Variants in OSBP2 observed in about 807,000 individuals in gnomAD.
OSBP2 encodes the protein oxysterol binding protein 2, also known as oxysterol-binding protein 2.
In OSBP2, 66 loss-of-function variants were observed where a neutral mutation model predicts 96.0. The ratio of observed to expected loss-of-function variants is 0.69; its 90% confidence interval spans 0.56 to 0.84. The LOEUF is 0.84. Ranked by LOEUF, OSBP2 falls within the 40% of genes least tolerant of loss-of-function variation. The probability of loss-of-function intolerance (pLI) is 0.00; values close to 1 mark genes in which losing one functional copy is unlikely to be tolerated. For synonymous variants in OSBP2, 525 were observed against 520.9 expected, an observed-to-expected ratio of 1.01 and a Z score of -0.11; for missense variants, 1,038 against 1,222.7, an observed-to-expected ratio of 0.85 and a Z score of 2.25.
chr22:30,715,241 A>G (rs1214357401), intron 1 of OSBP2, among the ~76,000 whole-genome samples: 2 of 151,924 alleles, frequency 1.3e-5, no homozygotes, highest in Admixed American at 1.3e-4. Flanking sequence ...GTCCTTGCCA[A>G]TGATTTATTT....
chr22:30,698,474 C>G (rs1183445222), intron 1 of OSBP2, among the ~76,000 whole-genome samples: 2 of 149,528 alleles, frequency 1.3e-5, no homozygotes, highest in African/African-American at 5.0e-5. Context: ...GAGTCTTGCT[C>G]TGTCGCCAGG....
intron 2 of OSBP2, among the ~76,000 whole-genome samples, chr22:30,815,684 C>T (rs549464557): frequency 8.8e-4 from 134 of 152,220 alleles, no homozygotes; most frequent in Middle Eastern, 6.8e-3. Context: ...TCTTCATGCT[C>T]TTCCCTTTTC....
chr22:30,879,624 C>T (rs983554775), intron 3 of OSBP2, among the ~76,000 whole-genome samples: 6 of 152,178 alleles, frequency 3.9e-5, no homozygotes, highest in Non-Finnish European at 1.5e-5. Flanking sequence ...AAGGGATCCC[C>T]GGGGGAGCCC....
intron 2 of OSBP2, among the ~76,000 whole-genome samples, chr22:30,798,610 G>A (rs918391021): frequency 5.3e-5 from 8 of 152,282 alleles, no homozygotes; most frequent in Non-Finnish European, 1.2e-4. Context: ...TATGGTGTTA[G>A]GTAAAGGTTT....
chr22:30,715,368 C>CT (rs136384), intron 1 of OSBP2, among the ~76,000 whole-genome samples: 86,964 of 140,666 alleles, frequency 0.62, 27,280 homozygotes, highest in Non-Finnish European at 0.69. Context: ...CTCTCTCTCT[C>CT]TTTTTTTTTT....
At chr22:30,715,611 G>A (rs958623332) in intron 1 of OSBP2, among the ~76,000 whole-genome samples, 4 of 151,542 alleles carry the variant, frequency 2.6e-5, no homozygotes, top group African/African-American at 9.7e-5. Context: ...GAGTGCAATG[G>A]CGCCATCTCG....
intron 2 of OSBP2, among the ~76,000 whole-genome samples, chr22:30,862,443 GGTGA>G (rs2039231261): frequency 1.3e-5 from 2 of 152,224 alleles, no homozygotes; most frequent in African/African-American, 2.4e-5. Context: ...ACTTTGGGAG[GGTGA>G]GGCAGGCAGA....
chr22:30,847,193 G>T (rs1405481488), intron 2 of OSBP2, among the ~76,000 whole-genome samples: 1 of 152,014 alleles, frequency 6.6e-6, no homozygotes, highest in Non-Finnish European at 1.5e-5. Flanking sequence ...GGCCAGGCTG[G>T]TCTCAAACTC....
intron 2 of OSBP2, among the ~76,000 whole-genome samples, chr22:30,784,607 G>A (rs1189562661): frequency 6.6e-6 from 1 of 152,036 alleles, no homozygotes; most frequent in Non-Finnish European, 1.5e-5. Context: ...TTTTCTGCAA[G>A]TTGTGAGAAA....
At chr22:30,887,717 C>A in intron 4 of OSBP2, 99 bp downstream of exon 4, 2 of 1,092,290 alleles carry the variant, frequency 1.8e-6, no homozygotes, top group Non-Finnish European at 1.3e-6. Flanking sequence ...CTGGCTGTGC[C>A]CACATGTGGG....
At chr22:30,760,708 T>A (rs1274869606) in intron 2 of OSBP2, among the ~76,000 whole-genome samples, 1 of 151,850 alleles carries the variant, frequency 6.6e-6, no homozygotes, top group African/African-American at 2.4e-5. Flanking sequence ...CTCAGCTACT[T>A]AGGAGGCTGA....
intron 2 of OSBP2, among the ~76,000 whole-genome samples, chr22:30,781,354 G>GC (rs1343427470): frequency 2.0e-5 from 3 of 152,014 alleles, no homozygotes; most frequent in African/African-American, 4.8e-5. Context: ...TCAAAAAGCA[G>GC]CAGCCCTGCT....
chr22:30,882,475 GC>G (rs2147137269), intron 3 of OSBP2, among the ~76,000 whole-genome samples: 1 of 150,466 alleles, frequency 6.6e-6, no homozygotes, highest in African/African-American at 2.5e-5. Context: ...GTCACCCTGA[GC>G]CTTCATTTCC....
intron 2 of OSBP2, among the ~76,000 whole-genome samples, chr22:30,764,988 C>T (rs1433804926): frequency 6.6e-6 from 1 of 152,144 alleles, no homozygotes; most frequent in East Asian, 1.9e-4. Flanking sequence ...AGGGCAGGAC[C>T]ACTGAGATTC....
intron 2 of OSBP2, among the ~76,000 whole-genome samples, chr22:30,758,640 G>C (rs1231965576): frequency 2.6e-5 from 4 of 152,066 alleles, no homozygotes; most frequent in Non-Finnish European, 4.4e-5. Context: ...AGGAGGAAAG[G>C]GTCCCCTGTC....
At chr22:30,818,266 G>T (rs921515104) in intron 2 of OSBP2, among the ~76,000 whole-genome samples, 2 of 151,894 alleles carry the variant, frequency 1.3e-5, no homozygotes, top group African/African-American at 4.8e-5. Context: ...TGTGTGATTT[G>T]CTCTTTTCCT....
intron 12 of OSBP2, among the ~76,000 whole-genome samples, chr22:30,896,382 T>C (rs912546363): frequency 8.5e-5 from 13 of 152,084 alleles, no homozygotes; most frequent in African/African-American, 1.4e-4. Context: ...CTCATAATAA[T>C]GCAGATTTAA....
intron 2 of OSBP2, among the ~76,000 whole-genome samples, chr22:30,836,197 T>A (rs2038629008): frequency 1.3e-5 from 2 of 152,202 alleles, no homozygotes; most frequent in Non-Finnish European, 2.9e-5. Context: ...CCTGCTTTAG[T>A]ACCACAGTAC....
intron 2 of OSBP2, among the ~76,000 whole-genome samples, chr22:30,763,934 A>AG (rs1491526854): frequency 6.6e-6 from 1 of 152,168 alleles, no homozygotes; most frequent in East Asian, 1.9e-4. Flanking sequence ...TACTTGACAC[A>AG]GGGGGGCGCT....
Sources: gnomAD v4.1 joint callset for allele counts (sites outside exome capture counted in the v4.1 genomes callset) on GRCh38, gnomAD v4.1.1 for gene constraint, MANE v1.5 for transcripts, NCBI Gene and HGNC (gene_info 2026-07-23, HGNC 2026-07-21) for gene names.